The following AK8 variants were observed in gnomAD, a reference collection of about 807,000 sequenced individuals.
AK8 encodes the protein adenylate kinase 8.
A neutral mutation model predicts 54.6 loss-of-function variants in AK8; 44 were observed. That is an observed-to-expected ratio of 0.81 (90% CI 0.63 to 1.04). The LOEUF (loss-of-function observed/expected upper bound fraction) is 1.04. Among genes scored for constraint, AK8 ranks in the 50% least tolerant of loss-of-function variants. The pLI is 0.00. For missense variants in AK8, 555 were observed against 613.6 expected (o/e 0.90, Z 1.01); for synonymous variants, 239 against 245.6 (o/e 0.97, Z 0.25).
intron 11 of AK8, among the ~76,000 whole-genome samples, chr9:132,765,276 G>C (rs1458852977): frequency 1.9e-5 from 2 of 106,740 alleles, no homozygotes; most frequent in African/African-American, 8.0e-5. Context: ...CTGGGCAACA[G>C]AGCGAGACTC....
chr9:132,806,777 CTCTTGAAAACACA>C (rs1343736521), intron 10 of AK8, among the ~76,000 whole-genome samples: 1 of 152,216 alleles, frequency 6.6e-6, no homozygotes, highest in African/African-American at 2.4e-5. Context: ...TCACGGAAGG[CTCTTGAAAACACA>C]TCATCATCCC....
chr9:132,806,045 G>A lies in AK8; in HGVS notation c.979+8593C>T, dbSNP rs1432786625. On this transcript the variant is annotated intron_variant, in intron 10 of 12. Transcript: ENST00000298545. ...CCAACACACCTGGGGGAGGCAACGC[G>A]AAGGAAATCCACATAGAATAAGAGT... Among the ~76,000 whole-genome samples the A allele has an allele frequency of 5.9e-5, 9 of 151,958 alleles. No individual in the cohort carries two copies. In the South Asian group the frequency reaches 1.0e-3, roughly 18 times the overall value.
intron 5 of AK8, among the ~76,000 whole-genome samples, chr9:132,829,682 C>T (rs1842029217): frequency 6.6e-6 from 1 of 151,880 alleles, no homozygotes. Context: ...ACCCATCAGC[C>T]CCCTCTTGGT....
In AK8 at chr9:132,822,689, A is replaced by G. The variant is rs80222929; in HGVS notation, c.889+516T>C. ...GGAAAGACCTGGAGAGCTGATTTCA[A>G]TATTTTCTCTCTTCCTGGTAAAATA... is the stretch of plus-strand genomic sequence containing the variant. On this transcript the variant is annotated intron_variant, in intron 9 of 12. Transcript: ENST00000298545. 6.1e-3 allele frequency among the ~76,000 whole-genome samples: 925 copies of G among 152,254 alleles called. 4 individuals carry two copies. The highest frequency in any genetic ancestry group is 0.018 in the African/African-American group (740 of 41,534).
At chr9:132,858,048 T>C (rs1254761736) in intron 4 of AK8, among the ~76,000 whole-genome samples, 2 of 152,174 alleles carry the variant, frequency 1.3e-5, no homozygotes, top group African/African-American at 4.8e-5. Flanking sequence ...GACAGTGCAG[T>C]GAGGCCGCTC....
rs1448948476 is a variant in AK8, at chr9:132,790,516, C to T, written c.1121+2118G>A. 6.6e-6 allele frequency among the ~76,000 whole-genome samples: 1 copy of T among 152,186 alleles called. No individual in the cohort carries two copies. The highest frequency in any genetic ancestry group is 1.5e-5 in the Non-Finnish European group (1 of 68,026). On this transcript the variant is annotated intron_variant, in intron 11 of 12. Transcript: ENST00000298545. The surrounding 1 kb of genome is among the most constrained non-coding windows in gnomAD (Gnocchi z 4.1). ...CCACCCACCTCGGCCTCCCAAAGTG[C>T]TGGGATTACAGGCGTGAGCCACTGT...
At chr9:132,727,249 A>G (rs748210748) in intron 12 of AK8, among the ~76,000 whole-genome samples, 7 of 152,210 alleles carry the variant, frequency 4.6e-5, no homozygotes, top group Non-Finnish European at 8.8e-5. Flanking sequence ...TGCTTTAGAC[A>G]TAAATTTCCT....
chr9:132,877,125 G>C (rs775206530), intron 1 of AK8, among the ~76,000 whole-genome samples: 1 of 152,286 alleles, frequency 6.6e-6, no homozygotes, highest in Admixed American at 6.5e-5. Context: ...AAACACACCA[G>C]GTTCTCTAGA....
Position 132,854,923 on chromosome 9 carries a change from T to C in AK8, c.336A>G (p.Thr112=). 1 of 1,614,028 alleles carries C rather than the reference T, an allele frequency of 6.2e-7. No homozygotes were observed. Among genetic ancestry groups the C allele is most frequent in the South Asian group, 1.1e-5 (1 of 91,074 alleles). The change falls in exon 5 of 13, where the codon ACA becomes ACG. Residue 112 remains threonine, a splice_region_variant and synonymous_variant. Transcript: ENST00000298545. ...EARRLYLQRK[T]VPSALLVQLI... ...GCTGGACGAGCAGCGCGCTGGGAACTGTCTGAAGGAAAAAGGACACACAGA... is the reference window on the plus strand; with the variant it reads ...GCTGGACGAGCAGCGCGCTGGGAACCGTCTGAAGGAAAAAGGACACACAGA...
In AK8 at chr9:132,742,795, C is replaced by CTCT. The variant is rs373044628; in HGVS notation, c.1122-15264_1122-15262dup. ...ACCCACGTGGGCCCACACACCAGCA[C>CTCT]TCTTCTATTAGCCTCCGTGAGGCCA... On this transcript the variant is annotated intron_variant, in intron 11 of 12. Coordinates refer to ENST00000298545, the MANE Select transcript of AK8 (RefSeq NM_152572.3). 3.3e-3 allele frequency among the ~76,000 whole-genome samples: 502 copies of CTCT among 152,328 alleles called. 2 individuals are homozygous for CTCT. The highest frequency in any genetic ancestry group is 0.01 in the Middle Eastern group (3 of 294).
intron 4 of AK8, among the ~76,000 whole-genome samples, chr9:132,857,089 C>G (rs573383460): frequency 4.0e-4 from 61 of 152,222 alleles, no homozygotes; most frequent in African/African-American, 1.3e-3. Flanking sequence ...GCATCCAGTC[C>G]CTGGCTCCAA....
rs1369361772 is a variant in AK8 at position 132,790,789 on chromosome 9, A to G, written c.1121+1845T>C. 6.6e-6 allele frequency among the ~76,000 whole-genome samples: 1 copy of G among 152,166 alleles called. No individual in the cohort carries two copies. The highest frequency in any genetic ancestry group is 1.5e-5 in the Non-Finnish European group (1 of 68,028). On this transcript the variant is annotated intron_variant, in intron 11 of 12. Coordinates refer to ENST00000298545, the MANE Select transcript of AK8 (RefSeq NM_152572.3). The surrounding 1 kb of genome is among the most constrained non-coding windows in gnomAD (Gnocchi z 4.1). ...TCATCTACCTGTAAAACCCAAGAGA[A>G]TCAACTGAAAAACTATCCAAAACAG... is the stretch of plus-strand genomic sequence containing the variant.
chr9:132,815,791 G>T (rs1841300872), intron 9 of AK8, among the ~76,000 whole-genome samples: 1 of 152,218 alleles, frequency 6.6e-6, no homozygotes, highest in African/African-American at 2.4e-5. Flanking sequence ...AAAGCCAGAA[G>T]ATTTAAACTA....
intron 8 of AK8, among the ~76,000 whole-genome samples, chr9:132,825,629 C>G (rs113367543): frequency 6.6e-6 from 1 of 152,078 alleles, no homozygotes; most frequent in Non-Finnish European, 1.5e-5. Flanking sequence ...CTTCAGAGGG[C>G]GAGGCTGTTC....
chr9:132,838,372 T>A (rs1842408994), intron 5 of AK8, among the ~76,000 whole-genome samples: 1 of 152,136 alleles, frequency 6.6e-6, no homozygotes. Flanking sequence ...TTACATGAGA[T>A]CTAAGAGGAG....
upstream of AK8, chr9:132,878,506 G>A (rs1844263705): frequency 8.3e-7 from 1 of 1,200,112 alleles, no homozygotes; most frequent in Non-Finnish European, 1.0e-6. This position sits in a 1 kb window ranked among gnomAD's most constrained non-coding sequence, Gnocchi z 4.7. Context: ...ACCCTCAGGT[G>A]GCTTCCAGCT....
chr9:132,839,826 G>GT (rs1564431826), intron 5 of AK8, among the ~76,000 whole-genome samples: 2 of 147,316 alleles, frequency 1.4e-5, no homozygotes, highest in African/African-American at 2.6e-5. Flanking sequence ...TTGCCGGGGG[G>GT]GGGGGCGCAG....
intron 6 of AK8, among the ~76,000 whole-genome samples, 178 bp downstream of exon 6, chr9:132,828,467 G>C (rs1841972210): frequency 6.6e-6 from 1 of 152,244 alleles, no homozygotes; most frequent in Non-Finnish European, 1.5e-5. Flanking sequence ...CTTTTCTTAA[G>C]AACCAGCCCT....
chr9:132,776,841 C>A (rs552227659), intron 11 of AK8, among the ~76,000 whole-genome samples: 214 of 152,330 alleles, frequency 1.4e-3, no homozygotes, highest in African/African-American at 4.8e-3. Flanking sequence ...CCTTCACGGG[C>A]AATTTACTAA....
Sources: gnomAD v4.1 joint callset for allele counts (sites outside exome capture counted in the v4.1 genomes callset) on GRCh38, gnomAD v4.1.1 for gene constraint, Gnocchi (gnomAD v3.1) non-coding constraint, MANE v1.5 for transcripts, NCBI Gene and HGNC (gene_info 2026-07-23, HGNC 2026-07-21) for gene names.